Variants in TSPAN11 observed in about 807,000 individuals in gnomAD.
TSPAN11 encodes the protein tetraspanin 11, also known as tetraspanin-11.
TSPAN11 carries 29 observed loss-of-function variants against 32.9 expected under a neutral mutation model. The ratio of observed to expected loss-of-function variants is 0.88; its 90% CI spans 0.66 to 1.20. The LOEUF (loss-of-function observed/expected upper bound fraction) is 1.20, where lower values mean the gene tolerates loss of function less well. Ranked by LOEUF, TSPAN11 falls within the 50% of genes most tolerant of loss-of-function variation. The pLI is 0.00. For missense variants in TSPAN11, 283 were observed against 329.1 expected (o/e 0.86, Z 1.08); for synonymous variants, 140 against 141.3 (o/e 0.99, Z 0.07).
chr12:30,958,018 T>G (rs974575931), intron 2 of TSPAN11, among the ~76,000 whole-genome samples: 8 of 151,942 alleles, frequency 5.3e-5, no homozygotes, highest in African/African-American at 1.9e-4. Flanking sequence ...TATGGAAACG[T>G]GCAAGACCTG....
At chr12:30,963,797 C>A in intron 2 of TSPAN11, 29 bp from the exon 3 acceptor site, 1 of 1,597,134 alleles carries the variant, frequency 6.3e-7, no homozygotes. Flanking sequence ...CCCCGCCACC[C>A]CCTGCTCTAA....
At chr12:30,989,709 G>C (rs1939272565) in intron 7 of TSPAN11, among the ~76,000 whole-genome samples, 1 of 152,170 alleles carries the variant, frequency 6.6e-6, no homozygotes, top group Admixed American at 6.5e-5. Context: ...GTCAAGACTG[G>C]GATCTGCAGG....
At chr12:30,962,281 A>T (rs1322841949) in intron 2 of TSPAN11, among the ~76,000 whole-genome samples, 1 of 150,142 alleles carries the variant, frequency 6.7e-6, no homozygotes, top group Non-Finnish European at 1.5e-5. Context: ...GGCACTTTGA[A>T]GAAATAGTAT....
chr12:30,965,723 A>C (rs1331858742), intron 3 of TSPAN11, among the ~76,000 whole-genome samples: 1 of 152,146 alleles, frequency 6.6e-6, no homozygotes, highest in East Asian at 1.9e-4. Context: ...CCCTGCCCCA[A>C]AGAGCAGCAA....
At chr12:30,955,051 T>G (rs892970625) in intron 2 of TSPAN11, 2 of 152,160 alleles carry the variant, frequency 1.3e-5, no homozygotes, top group Non-Finnish European at 2.9e-5. Context: ...GTTTTCAGGG[T>G]CTTTCTTGCA....
chr12:30,931,878 T>TAAAAAAAAAA (rs1937938498), intron 1 of TSPAN11, among the ~76,000 whole-genome samples: 2 of 12,330 alleles, frequency 1.6e-4, no homozygotes, highest in African/African-American at 4.6e-4. Flanking sequence ...AGACGCTGTA[T>TAAAAAAAAAA]CAAAAAAAAA....
At chr12:30,983,931 C>T (rs1939148613) in intron 7 of TSPAN11, among the ~76,000 whole-genome samples, 1 of 152,082 alleles carries the variant, frequency 6.6e-6, no homozygotes, top group African/African-American at 2.4e-5. Context: ...TGTGTGTGTG[C>T]CCTCATCCAG....
the TSPAN11 span, among the ~76,000 whole-genome samples, chr12:31,012,182 T>C: frequency 2.9e-4 from 44 of 152,212 alleles, no homozygotes; most frequent in Non-Finnish European, 4.9e-4. Context: ...TTGCTCCTCA[T>C]TGTCTCTCCT....
In TSPAN11 at chr12:30,979,659, C is replaced by T. The variant is rs1371346236; in HGVS notation, c.445C>T (p.Leu149Phe). The T allele has an allele frequency of 6.8e-6, 11 of 1,614,182 alleles. No homozygotes were observed. The highest frequency in any genetic ancestry group is 8.5e-6 in the Non-Finnish European group (10 of 1,180,024). ...GCAGATCACCGCCTCAGTGGACCGA[C>T]TCCAGCAGGATGTAAGCCATGCCCC... The part of the protein sequence containing the change: ...ATQITASVDR[L>F]QQDFKCCGSN... The change falls in exon 5 of 8, where the codon CTC becomes TTC. Residue 149 changes from leucine to phenylalanine, a missense_variant. Physicochemically the swap from Leu to Phe is conservative, Grantham distance 22. Coordinates refer to ENST00000546076, the MANE Select transcript of TSPAN11 (RefSeq NM_001370302.1).
At position 30,963,956 on chromosome 12, in the gene TSPAN11, T is replaced by C. The variant is rs749059513; in HGVS notation, c.215T>C (p.Met72Thr). ...CTCATCTTTGCGGGCGTACTTGTCA[T>C]GGTGACCGGCTTCCTGGGCTTCGGT... Reference protein sequence around the residue: ...YILIFAGVLVMVTGFLGFGAI... With the variant: ...YILIFAGVLVTVTGFLGFGAI... Residue 72 changes from methionine to threonine, a missense_variant, in exon 3 of 8, where the codon ATG (methionine) becomes ACG (threonine). By Grantham distance (81) the Met-to-Thr change is moderately conservative. Coordinates refer to ENST00000546076, the MANE Select transcript of TSPAN11 (RefSeq NM_001370302.1). 9.3e-6 allele frequency: 15 copies of C among 1,614,126 alleles called. 1 individual carries two copies. In the South Asian group the frequency reaches 1.5e-4, roughly 17 times the overall value.
intron 3 of TSPAN11, among the ~76,000 whole-genome samples, chr12:30,969,257 C>T (rs1938799845): frequency 6.6e-6 from 1 of 152,226 alleles, no homozygotes; most frequent in East Asian, 1.9e-4. Context: ...TGCCTGGAAA[C>T]TGGACTGTGT....
chr12:30,961,218 G>C (rs927593369), intron 2 of TSPAN11, among the ~76,000 whole-genome samples: 1 of 151,804 alleles, frequency 6.6e-6, no homozygotes, highest in Admixed American at 6.6e-5. Context: ...GACTTAGGCA[G>C]TTTCCAGGCG....
intron 7 of TSPAN11, 110 bp from the exon 8 acceptor site, chr12:30,991,746 G>A: frequency 2.5e-6 from 3 of 1,181,416 alleles, no homozygotes; most frequent in Non-Finnish European, 3.7e-6. Flanking sequence ...TCTGCCCTTT[G>A]CCCAGGCCCC....
downstream of TSPAN11, among the ~76,000 whole-genome samples, chr12:30,999,908 G>A (rs1000386350): frequency 3.9e-5 from 6 of 152,122 alleles, no homozygotes; most frequent in African/African-American, 9.6e-5. Context: ...GTCTGTCCCC[G>A]CTGGCTCTCG....
intron 1 of TSPAN11, among the ~76,000 whole-genome samples, chr12:30,946,711 C>A (rs1396346820): frequency 1.3e-5 from 2 of 152,194 alleles, no homozygotes; most frequent in Non-Finnish European, 2.9e-5. Flanking sequence ...GCAGGTGTTT[C>A]TGATTCAGAT....
At chr12:30,939,351 C>A (rs1938112976) in intron 1 of TSPAN11, among the ~76,000 whole-genome samples, 1 of 151,834 alleles carries the variant, frequency 6.6e-6, no homozygotes, top group African/African-American at 2.4e-5. Context: ...CTGCAGGGGG[C>A]TGGGTTTTTT....
chr12:31,005,166 G>A, the TSPAN11 span, among the ~76,000 whole-genome samples: 6,417 of 152,314 alleles, frequency 0.042, 195 homozygotes, highest in Non-Finnish European at 0.062. Flanking sequence ...AGCCATTAAA[G>A]AAATCAACAC....
intron 1 of TSPAN11, among the ~76,000 whole-genome samples, chr12:30,950,143 G>T (rs1175577413): frequency 6.6e-6 from 1 of 151,638 alleles, no homozygotes; most frequent in Non-Finnish European, 1.5e-5. Context: ...ACCATCCTGG[G>T]GTTGGCATCA....
chr12:30,978,915 C>A (rs1939029977), intron 4 of TSPAN11: 35 of 471,098 alleles, frequency 7.4e-5, no homozygotes, highest in Middle Eastern at 1.1e-3. Flanking sequence ...CAAGAATGGT[C>A]TAGAGGATGA....
Sources: allele counts gnomAD v4.1 joint callset (sites outside exome capture counted in the v4.1 genomes callset), GRCh38; gene constraint gnomAD v4.1.1; transcripts MANE v1.5; gene names NCBI Gene and HGNC (gene_info 2026-07-23, HGNC 2026-07-21).